Variants in KIF13B observed in about 807,000 individuals in gnomAD.
KIF13B encodes kinesin-like protein KIF13B.
A neutral mutation model predicts 222.0 loss-of-function variants in KIF13B; 127 were observed. The ratio of observed to expected loss-of-function variants is 0.57; its 90% confidence interval spans 0.50 to 0.66. The LOEUF (loss-of-function observed/expected upper bound fraction) is 0.66, where lower values mean the gene tolerates loss of function less well. Ranked by LOEUF, KIF13B falls within the 30% of genes least tolerant of loss-of-function variation. KIF13B has a pLI of 0.00. For synonymous variants in KIF13B, 976 were observed against 919.0 expected (o/e 1.06, Z -1.12); for missense variants, 2,173 against 2,379.0 (o/e 0.91, Z 1.80).
intron 12 of KIF13B, among the ~76,000 whole-genome samples, chr8:29,161,165 G>A (rs1203356770): frequency 6.6e-6 from 1 of 152,054 alleles, no homozygotes; most frequent in Non-Finnish European, 1.5e-5. Context: ...ATTTAACTCT[G>A]TATATATAAA....
rs1812458208 is a variant in KIF13B, at chr8:29,175,921, A to T, written c.945+147T>A. The T allele has an allele frequency of 9.3e-6, 6 of 642,110 alleles. No individual in the cohort carries two copies. In the East Asian group the frequency reaches 1.7e-4, roughly 18 times the overall value. 39.8% of individuals were successfully genotyped at this position (642,110 alleles called of 1,614,324 possible). A position where few individuals can be genotyped will look rare whatever the true frequency, so the allele number is the denominator to read the frequency against. On this transcript the variant is annotated intron_variant, in intron 10 of 39. Coordinates refer to ENST00000524189, the MANE Select transcript of KIF13B (RefSeq NM_015254.4). ...AAAAACCTACGTTTATTCCATCAAAAATGTCATTACCATAAGAGCCTAATA... is the reference window on the plus strand; with the variant it reads ...AAAAACCTACGTTTATTCCATCAAATATGTCATTACCATAAGAGCCTAATA...
At chr8:29,136,568 A>G (rs1810565697) in intron 21 of KIF13B, among the ~76,000 whole-genome samples, 1 of 91,192 alleles carries the variant, frequency 1.1e-5, no homozygotes, top group Non-Finnish European at 2.4e-5. Flanking sequence ...GGGCAACAAG[A>G]GCGAAACTCC....
intron 2 of KIF13B, among the ~76,000 whole-genome samples, chr8:29,234,301 G>A (rs1815412285): frequency 6.7e-6 from 1 of 150,316 alleles, no homozygotes; most frequent in Non-Finnish European, 1.5e-5. Context: ...TGGGCAAAAT[G>A]TGGTTTATCC....
intron 36 of KIF13B, among the ~76,000 whole-genome samples, chr8:29,097,062 T>C (rs1298065251): frequency 6.6e-6 from 1 of 152,108 alleles, no homozygotes; most frequent in East Asian, 1.9e-4. Flanking sequence ...CCCAACCAAA[T>C]GTTGTCTACA....
At chr8:29,207,201 T>C (rs1236878128) in intron 2 of KIF13B, among the ~76,000 whole-genome samples, 3 of 152,312 alleles carry the variant, frequency 2.0e-5, no homozygotes, top group East Asian at 3.9e-4. Flanking sequence ...CCCGTGCTTA[T>C]GCCTCCACTG....
chr8:29,071,396 T>G lies in KIF13B; in HGVS notation c.5218+224A>C, dbSNP rs1057228405. ...TGGCGATGGGGGGATGGGTACAGGATCTTTGTAGCCAAAATCATCAGGAAT... is the reference window on the plus strand; with the variant it reads ...TGGCGATGGGGGGATGGGTACAGGAGCTTTGTAGCCAAAATCATCAGGAAT... On this transcript the variant is annotated intron_variant, in intron 39 of 39. Transcript: ENST00000524189. The surrounding 1 kb of genome is among the most constrained non-coding windows in gnomAD (Gnocchi z 4.9). Among the ~76,000 whole-genome samples, 14 of 152,154 alleles carry G rather than the reference T, an allele frequency of 9.2e-5. No homozygotes were observed. The highest frequency in any genetic ancestry group is 1.8e-4 in the Non-Finnish European group (12 of 67,970).
chr8:29,149,986 A>C (rs1811227112), intron 15 of KIF13B, among the ~76,000 whole-genome samples: 1 of 152,248 alleles, frequency 6.6e-6, no homozygotes, highest in South Asian at 2.1e-4. Context: ...AAAGATAAAC[A>C]TGTCAGAAAA....
intron 2 of KIF13B, among the ~76,000 whole-genome samples, chr8:29,232,241 C>T (rs1487424980): frequency 6.6e-6 from 1 of 151,222 alleles, no homozygotes. Context: ...CCAGCCTGGG[C>T]AACAGAGTGA....
intron 14 of KIF13B, among the ~76,000 whole-genome samples, chr8:29,152,048 G>T (rs777276340): frequency 6.6e-6 from 1 of 152,166 alleles, no homozygotes; most frequent in Non-Finnish European, 1.5e-5. Flanking sequence ...CAATCATCAT[G>T]GATGCCTTCG....
chr8:29,106,287 A>G (rs1402825955), intron 35 of KIF13B, among the ~76,000 whole-genome samples: 1 of 152,218 alleles, frequency 6.6e-6, no homozygotes, highest in Non-Finnish European at 1.5e-5. Flanking sequence ...GTATGTCTAC[A>G]AACATATACA....
At position 29,167,439 on chromosome 8, in the gene KIF13B, A is replaced by C. The variant is rs1812055251; in HGVS notation, c.1092T>G (p.Asn364Lys). 1 of 1,613,812 alleles carries C rather than the reference A, an allele frequency of 6.2e-7. No individual in the cohort carries two copies. Among genetic ancestry groups the C allele is most frequent in the African/African-American group, 1.3e-5 (1 of 74,900 alleles). ...CCCGGAGATCCCGGATAATTCGGGCATTAGGGTCCTCATTCACCACAGCGT... is the reference window on the plus strand; with the variant it reads ...CCCGGAGATCCCGGATAATTCGGGCCTTAGGGTCCTCATTCACCACAGCGT... ...VNHAVVNEDP[N>K]ARIIRDLREE... Residue 364 changes from asparagine to lysine, a missense_variant, in exon 11 of 40, where the codon AAT (asparagine) becomes AAG (lysine). By Grantham distance (94) the Asn-to-Lys change is moderately conservative (BLOSUM62 0). Coordinates refer to ENST00000524189, the MANE Select transcript of KIF13B (RefSeq NM_015254.4).
chr8:29,225,369 G>A (rs937510691), intron 2 of KIF13B, among the ~76,000 whole-genome samples: 1 of 152,182 alleles, frequency 6.6e-6, no homozygotes, highest in African/African-American at 2.4e-5. Context: ...GTAACATCCT[G>A]AGTCAAAACT....
At chr8:29,085,375 G>T (rs1325544808) in intron 37 of KIF13B, among the ~76,000 whole-genome samples, 2 of 152,154 alleles carry the variant, frequency 1.3e-5, no homozygotes, top group African/African-American at 4.8e-5. Context: ...CACAACTTGT[G>T]TACCTCTTTT....
chr8:29,145,109 G>A (rs529412683), intron 18 of KIF13B, among the ~76,000 whole-genome samples: 3 of 152,204 alleles, frequency 2.0e-5, no homozygotes. Context: ...CTTCCTCTTC[G>A]GTTTTTGGTG....
intron 8 of KIF13B, among the ~76,000 whole-genome samples, chr8:29,178,542 T>C (rs1212696508): frequency 1.3e-5 from 2 of 151,892 alleles, no homozygotes; most frequent in African/African-American, 4.8e-5. Flanking sequence ...CCAAAATCTA[T>C]AGACTGAATC....
At chr8:29,125,546 A>G (rs1295762363) in intron 26 of KIF13B, among the ~76,000 whole-genome samples, 2 of 152,200 alleles carry the variant, frequency 1.3e-5, no homozygotes, top group Non-Finnish European at 2.9e-5. Context: ...ATTTAATCCT[A>G]TCTGATACAG....
chr8:29,188,619 A>G lies in KIF13B; in HGVS notation c.224-12T>C, dbSNP rs192204848. 1 of 1,550,982 alleles carries G rather than the reference A, an allele frequency of 6.4e-7. No homozygotes were observed. The highest frequency in any genetic ancestry group is 1.4e-5 in the African/African-American group (1 of 73,362). On this transcript the variant is annotated splice_polypyrimidine_tract_variant and intron_variant, in intron 4 of 39. Transcript: ENST00000524189. ...AACAATATCTTGACCTGAGAGAGAG[A>G]GAATAAGAGAAAAGATATTTTAAGC...
chr8:29,078,344 A>G (rs1028117513), intron 37 of KIF13B, among the ~76,000 whole-genome samples: 1 of 151,874 alleles, frequency 6.6e-6, no homozygotes, highest in Non-Finnish European at 1.5e-5. Flanking sequence ...AAAGGGTCAT[A>G]AATAGAACGG....
At chr8:29,223,327 G>C (rs1316152277) in intron 2 of KIF13B, among the ~76,000 whole-genome samples, 1 of 86,410 alleles carries the variant, frequency 1.2e-5, no homozygotes, top group East Asian at 2.5e-4. Flanking sequence ...GAGAGACCCT[G>C]TCTCAAAAAA....
Sources: allele counts gnomAD v4.1 joint callset (sites outside exome capture counted in the v4.1 genomes callset), GRCh38; gene constraint gnomAD v4.1.1; non-coding constraint Gnocchi (gnomAD v3.1); transcripts MANE v1.5; gene names NCBI Gene and HGNC (gene_info 2026-07-23, HGNC 2026-07-21).